NME5: variants seen among roughly 807,000 people sequenced by gnomAD.
The protein encoded by NME5 is NME/NM23 family member 5.
A neutral mutation model predicts 21.6 loss-of-function variants in NME5; 18 were observed. That is an observed-to-expected ratio of 0.83 (90% CI 0.58 to 1.24). The LOEUF is 1.24. NME5 is among the 50% of genes most tolerant of loss of function. The probability of loss-of-function intolerance (pLI) is 0.00; values close to 1 mark genes in which losing one functional copy is unlikely to be tolerated. For missense variants in NME5, 223 were observed against 255.4 expected (o/e 0.87, Z 0.86); for synonymous variants, 70 against 80.6 (o/e 0.87, Z 0.71).
chr5:138,127,552 A>T, intron 4 of NME5: 2 of 983,554 alleles, frequency 2.0e-6, no homozygotes, highest in Non-Finnish European at 1.2e-6. Context: ...TAACATACTA[A>T]AAAAATCCAA....
intron 2 of NME5, among the ~76,000 whole-genome samples, chr5:138,134,470 C>T (rs1751644979): frequency 6.6e-6 from 1 of 151,946 alleles, no homozygotes; most frequent in Non-Finnish European, 1.5e-5. Flanking sequence ...TCTCGAACTC[C>T]TGACCTCAGG....
At chr5:138,130,800 C>T (rs1751544709) in intron 2 of NME5, among the ~76,000 whole-genome samples, 1 of 151,890 alleles carries the variant, frequency 6.6e-6, no homozygotes, top group African/African-American at 2.4e-5. Flanking sequence ...GTGGCACGCG[C>T]CTGTAGTCCC....
At chr5:138,116,615 A>G (rs1325170797) in intron 5 of NME5, 2 of 152,264 alleles carry the variant, frequency 1.3e-5, no homozygotes, top group African/African-American at 2.4e-5. Context: ...GGAATGATAC[A>G]GAGAGATTAT....
At chr5:138,133,136 T>C (rs1751611700) in intron 2 of NME5, among the ~76,000 whole-genome samples, 1 of 151,694 alleles carries the variant, frequency 6.6e-6, no homozygotes, top group Non-Finnish European at 1.5e-5. Flanking sequence ...CATCTCACTC[T>C]GTCCTCCAGG....
intron 2 of NME5, among the ~76,000 whole-genome samples, chr5:138,135,933 T>C (rs1351108556): frequency 6.6e-6 from 1 of 152,182 alleles, no homozygotes; most frequent in Non-Finnish European, 1.5e-5. Flanking sequence ...GATTTTGTGT[T>C]TTTTTTGCTA....
Position 138,134,162 on chromosome 5 carries a change from G to A in NME5, c.129+4490C>T, listed in dbSNP as rs191382431. Among the ~76,000 whole-genome samples, 456 of 152,172 alleles carry A rather than the reference G, an allele frequency of 3.0e-3. 5 individuals are homozygous for A. Among genetic ancestry groups the A allele is most frequent in the Middle Eastern group, 0.014 (4 of 294 alleles). On this transcript the variant is annotated intron_variant, in intron 2 of 5. Coordinates refer to ENST00000265191, the MANE Select transcript of NME5 (RefSeq NM_003551.3). ...ACAATCTCAGTTCACTGCAACCTCC[G>A]CCTCCCGGGTTCAAGTGATTCTCCA... is the stretch of plus-strand genomic sequence containing the variant.
Position 138,138,722 on chromosome 5 carries a change from T to C in NME5, c.59A>G (p.Lys20Arg). 6.2e-7 allele frequency: 1 copy of C among 1,612,910 alleles called. No homozygotes were observed. Among genetic ancestry groups the C allele is most frequent in the Non-Finnish European group, 8.5e-7 (1 of 1,179,432 alleles). The change falls in exon 2 of 6, where the codon AAA becomes AGA. Residue 20 changes from lysine to arginine, a missense_variant. By Grantham distance (26) the Lys-to-Arg change is conservative (BLOSUM62 2). Transcript: ENST00000265191. ...CTCCTCTTTGTCAACAATATCTGGTTTGATAATGGCCAGAGTTTTTTCTAC... is the reference window on the plus strand; with the variant it reads ...CTCCTCTTTGTCAACAATATCTGGTCTGATAATGGCCAGAGTTTTTTCTAC... ...IYVEKTLAIIKPDIVDKEEEI... is the reference protein window; with the variant it reads ...IYVEKTLAIIRPDIVDKEEEI...
rs1446437351 is a variant in NME5 at position 138,117,915 on chromosome 5, C to T, written c.555+903G>A. 5.9e-5 allele frequency among the ~76,000 whole-genome samples: 9 copies of T among 151,706 alleles called. 1 individual carries two copies. Among genetic ancestry groups the T allele is most frequent in the Admixed American group, 5.3e-4 (8 of 15,230 alleles). ...AGGAGAATCACTTGAACCTGGGGGG[C>T]GGAGGTTGCAGTGAGCCCAGATTGC... is the stretch of plus-strand genomic sequence containing the variant. On this transcript the variant is annotated intron_variant, in intron 5 of 5. Coordinates refer to ENST00000265191, the MANE Select transcript of NME5 (RefSeq NM_003551.3).
chr5:138,122,441 T>TAAAAAAAAAA (rs70979581), intron 4 of NME5, among the ~76,000 whole-genome samples: 11 of 34,452 alleles, frequency 3.2e-4, no homozygotes, highest in African/African-American at 5.4e-4. Flanking sequence ...ACTCTGTCTC[T>TAAAAAAAAAA]AAAAAAAAAA....
At chr5:138,130,866 C>T (rs952767466) in intron 2 of NME5, among the ~76,000 whole-genome samples, 39 of 151,672 alleles carry the variant, frequency 2.6e-4, no homozygotes, top group African/African-American at 9.2e-4. Context: ...GCAGAGGTTG[C>T]AGGGAGCCAA....
At chr5:138,119,003 G>C in intron 4 of NME5, 67 bp from the exon 5 acceptor site, 2 of 925,792 alleles carry the variant, frequency 2.2e-6, no homozygotes, top group Admixed American at 2.4e-5. Flanking sequence ...TCATTAAAAA[G>C]GTTCTTTTTA....
intron 2 of NME5, among the ~76,000 whole-genome samples, chr5:138,137,106 T>C (rs1751716848): frequency 1.3e-5 from 2 of 150,322 alleles, no homozygotes; most frequent in Non-Finnish European, 3.0e-5. Flanking sequence ...TCAGGTTTAT[T>C]TGGAGTTTAT....
intron 4 of NME5, among the ~76,000 whole-genome samples, chr5:138,127,195 T>C (rs936052592): frequency 6.6e-6 from 1 of 152,164 alleles, no homozygotes; most frequent in African/African-American, 2.4e-5. Flanking sequence ...GGGAAGCAGG[T>C]CTTCCCCTGG....
intron 4 of NME5, among the ~76,000 whole-genome samples, chr5:138,125,327 A>G (rs1751372430): frequency 6.6e-6 from 1 of 152,232 alleles, no homozygotes; most frequent in Non-Finnish European, 1.5e-5. Context: ...TGTTGAAGAA[A>G]TGGAATATAG....
In NME5 at chr5:138,115,596, C is replaced by A; in HGVS notation, c.*85G>T. 1.4e-6 allele frequency: 1 copy of A among 727,286 alleles called. No individual in the cohort carries two copies. Among genetic ancestry groups the A allele is most frequent in the Non-Finnish European group, 2.2e-6 (1 of 458,354 alleles). The allele number at this position is 727,286 out of a possible 1,614,324, so 45.1% of individuals were successfully genotyped here. ...TTTATTTTACTTGTAGTTACTTAAA[C>A]CCTAGAAATAATTTTTTCAAACAGT... is the stretch of plus-strand genomic sequence containing the variant. On this transcript the variant is annotated 3_prime_UTR_variant, in exon 6 of 6. Transcript: ENST00000265191.
rs555273926 is a variant in NME5, at chr5:138,119,152, G to A, written c.437-216C>T. ...TGTGATTCTCCCACCTCAGCCTTCC[G>A]AGTAGCTGGGACTACAGGTCCGCAT... On this transcript the variant is annotated intron_variant, in intron 4 of 5. Coordinates refer to ENST00000265191, the MANE Select transcript of NME5 (RefSeq NM_003551.3). 3.9e-5 allele frequency among the ~76,000 whole-genome samples: 6 copies of A among 151,908 alleles called. No individual in the cohort carries two copies. In the South Asian group the frequency reaches 8.3e-4, roughly 21 times the overall value.
intron 4 of NME5, among the ~76,000 whole-genome samples, chr5:138,126,510 C>CAAAAAAAAAAAAAAAAAAAAAA (rs57938582): frequency 1.8e-5 from 1 of 54,202 alleles, no homozygotes; most frequent in African/African-American, 7.6e-5. Flanking sequence ...GAATCTATCT[C>CAAAAAAAAAAAAAAAAAAAAAA]AAAAAAAAAA....
Position 138,132,932 on chromosome 5 carries a change from G to A in NME5, c.130-3464C>T, listed in dbSNP as rs111443352. ...TTAAGACATGAAACTATGATTATGC[G>A]TATTAGCGTTTTTTTTTTTTGTTTT... is the stretch of plus-strand genomic sequence containing the variant. On this transcript the variant is annotated intron_variant, in intron 2 of 5. Coordinates refer to ENST00000265191, the MANE Select transcript of NME5 (RefSeq NM_003551.3). Among the ~76,000 whole-genome samples, 177 of 151,542 alleles carry A rather than the reference G, an allele frequency of 1.2e-3. 3 individuals are homozygous for A. Among genetic ancestry groups the A allele is most frequent in the African/African-American group, 3.9e-3 (159 of 41,270 alleles).
intron 4 of NME5, among the ~76,000 whole-genome samples, chr5:138,127,974 G>A (rs1456859779): frequency 6.6e-6 from 1 of 152,202 alleles, no homozygotes; most frequent in African/African-American, 2.4e-5. Context: ...AGCACTTTGA[G>A]AGGCCAAGGC....
Sources: gnomAD v4.1 joint callset for allele counts (sites outside exome capture counted in the v4.1 genomes callset) on GRCh38, gnomAD v4.1.1 for gene constraint, MANE v1.5 for transcripts, NCBI Gene and HGNC (gene_info 2026-07-23, HGNC 2026-07-21) for gene names.